MAP4: variants seen among roughly 807,000 people sequenced by gnomAD.
The protein encoded by MAP4 is microtubule associated protein 4, also known as microtubule-associated protein 4.
A neutral mutation model predicts 170.2 loss-of-function variants in MAP4; 76 were observed. The observed-to-expected ratio is 0.45, with a 90% CI of 0.37 to 0.54. The LOEUF is 0.54. MAP4 is among the 20% of genes least tolerant of loss of function. The pLI is 0.00. For missense variants in MAP4, 2,506 were observed against 2,748.0 expected, an observed-to-expected ratio of 0.91 and a Z score of 1.97; for synonymous variants, 909 against 994.5, an observed-to-expected ratio of 0.91 and a Z score of 1.62.
At chr3:48,015,379 G>A (rs566899687) in intron 1 of MAP4, among the ~76,000 whole-genome samples, 1 of 152,252 alleles carries the variant, frequency 6.6e-6, no homozygotes, top group South Asian at 2.1e-4. Flanking sequence ...ACATTTAAAT[G>A]ACAGAGAATT....
Position 47,882,143 on chromosome 3 carries a change from G to A in MAP4, c.5435-4620C>T, listed in dbSNP as rs548399468. 2.4e-3 allele frequency among the ~76,000 whole-genome samples: 369 copies of A among 152,292 alleles called. 3 individuals are homozygous for A. The highest frequency in any genetic ancestry group is 8.0e-3 in the African/African-American group (334 of 41,550). ...AAAATACATAAATTAGCCGGGCGTT[G>A]TGGTGGGCGCCTGTAATCCCAGCTA... On this transcript the variant is annotated intron_variant, in intron 10 of 20. Coordinates refer to ENST00000683076, the MANE Select transcript of MAP4 (RefSeq NM_001385682.1).
upstream of MAP4, among the ~76,000 whole-genome samples, chr3:48,017,490 T>TC (rs199911805): frequency 0.046 from 6,358 of 138,338 alleles, 456 homozygotes; most frequent in African/African-American, 0.2. Context: ...TTTTCTTTTT[T>TC]TTTTTTTTTG....
chr3:47,867,195 C>G, intron 17 of MAP4, 51 bp downstream of exon 17: 2 of 1,279,210 alleles, frequency 1.6e-6, no homozygotes, highest in African/African-American at 1.5e-5. Flanking sequence ...CCCTAGTATA[C>G]CCCACAGTGG....
chr3:48,013,636 G>A (rs1028695729), intron 1 of MAP4: 1 of 149,746 alleles, frequency 6.7e-6, no homozygotes, highest in African/African-American at 2.5e-5. Context: ...CCCTCAGTGT[G>A]AATATGAACA....
At chr3:48,033,174 G>T (rs1249690151) in intron 1 of MAP4, among the ~76,000 whole-genome samples, 2 of 152,224 alleles carry the variant, frequency 1.3e-5, no homozygotes, top group African/African-American at 4.8e-5. Context: ...AAATCAGGAA[G>T]CAAGGGGAAA....
intron 1 of MAP4, among the ~76,000 whole-genome samples, chr3:48,027,982 C>A (rs1438638766): frequency 6.6e-6 from 1 of 152,210 alleles, no homozygotes; most frequent in African/African-American, 2.4e-5. Context: ...ACCAACTTCA[C>A]TCACTTTAAC....
Position 47,916,164 on chromosome 3 carries a change from C to T in MAP4, c.1663G>A (p.Glu555Lys). The change falls in exon 7 of 21, where the codon GAA becomes AAA. Residue 555 changes from glutamate to lysine, a missense_variant. By Grantham distance (56) the Glu-to-Lys change is moderately conservative (BLOSUM62 1). Transcript: ENST00000683076. ...ACCCCATCCTTAGCCAGGGGTGCTTCTGTTTTGAGGGCTGGGACCTGATCC... is the reference window on the plus strand; with the variant it reads ...ACCCCATCCTTAGCCAGGGGTGCTTTTGTTTTGAGGGCTGGGACCTGATCC... ...TEDQVPALKT[E>K]APLAKDGVLT... 1 of 1,614,204 alleles carries T rather than the reference C, an allele frequency of 6.2e-7. No homozygotes were observed. Among genetic ancestry groups the T allele is most frequent in the Non-Finnish European group, 8.5e-7 (1 of 1,180,030 alleles).
chr3:48,057,637 G>GA (rs1176640431), intron 1 of MAP4, among the ~76,000 whole-genome samples: 15 of 107,666 alleles, frequency 1.4e-4, no homozygotes, highest in Middle Eastern at 4.6e-3. Context: ...AAATAAAAAA[G>GA]AAAAAAAAGA....
chr3:47,867,092 G>A (rs2081795830), intron 17 of MAP4, among the ~76,000 whole-genome samples, 154 bp downstream of exon 17: 1 of 152,180 alleles, frequency 6.6e-6, no homozygotes, highest in Non-Finnish European at 1.5e-5. Flanking sequence ...TAACATGGGA[G>A]CATCAAGGTC....
intron 5 of MAP4, among the ~76,000 whole-genome samples, chr3:47,919,193 A>C (rs1577593551): frequency 1.3e-5 from 2 of 150,480 alleles, no homozygotes; most frequent in African/African-American, 4.9e-5. Flanking sequence ...GGCCTCCCAA[A>C]GTGCTGGGAT....
intron 3 of MAP4, among the ~76,000 whole-genome samples, chr3:47,972,238 C>T (rs1184690030): frequency 6.6e-6 from 1 of 152,160 alleles, no homozygotes; most frequent in Non-Finnish European, 1.5e-5. Flanking sequence ...GGGAACTGCG[C>T]ATTTTGTTGA....
chr3:47,997,649 T>C (rs2100096701), intron 2 of MAP4, among the ~76,000 whole-genome samples: 1 of 151,474 alleles, frequency 6.6e-6, no homozygotes, highest in Non-Finnish European at 1.5e-5. Context: ...AGAAAAAAAT[T>C]AATGAAACCA....
chr3:48,019,111 G>A (rs1170724446), upstream of MAP4, among the ~76,000 whole-genome samples: 2 of 152,174 alleles, frequency 1.3e-5, no homozygotes, highest in Non-Finnish European at 2.9e-5. Flanking sequence ...GCCAAAGCAG[G>A]AAGACCACTT....
At chr3:47,964,364 CT>C (rs1464182923) in intron 3 of MAP4, among the ~76,000 whole-genome samples, 1 of 152,136 alleles carries the variant, frequency 6.6e-6, no homozygotes, top group Non-Finnish European at 1.5e-5. Context: ...TTCCAAATAT[CT>C]TTTTCTGACA....
At chr3:47,897,764 C>T (rs2100027716) in intron 10 of MAP4, among the ~76,000 whole-genome samples, 1 of 151,744 alleles carries the variant, frequency 6.6e-6, no homozygotes, top group Non-Finnish European at 1.5e-5. Flanking sequence ...TGGTGAAACC[C>T]TGTCTCCACT....
rs545111015 is a variant in MAP4, at chr3:47,975,871, C to T, written c.292+1994G>A. On this transcript the variant is annotated intron_variant, in intron 3 of 20. Coordinates refer to ENST00000683076, the MANE Select transcript of MAP4 (RefSeq NM_001385682.1). ...GTGGTGCGATCTCGGCTCACTGAAA[C>T]CTCCGCCTCCTGGGTTCAAGCGATT... 2.0e-5 allele frequency among the ~76,000 whole-genome samples: 3 copies of T among 151,136 alleles called. No individual in the cohort carries two copies. The South Asian group carries it at 6.3e-4, about 32-fold the overall frequency.
chr3:47,888,349 C>T (rs1246418016), intron 10 of MAP4, among the ~76,000 whole-genome samples: 2 of 152,202 alleles, frequency 1.3e-5, no homozygotes, highest in African/African-American at 4.8e-5. Flanking sequence ...AATCTTGCTA[C>T]TGCTCACTCT....
intron 20 of MAP4, 41 bp downstream of exon 20, chr3:47,853,122 A>G (rs780081738): frequency 3.4e-5 from 54 of 1,611,688 alleles, no homozygotes; most frequent in Non-Finnish European, 4.4e-5. Flanking sequence ...GGCCAGTGGC[A>G]GGGCCCCTGG....
At chr3:47,875,944 G>C (rs1378137521) in intron 11 of MAP4, 44 bp from the exon 12 acceptor site, 1 of 1,345,482 alleles carries the variant, frequency 7.4e-7, no homozygotes, top group Non-Finnish European at 1.0e-6. Context: ...ATTTTTTAAA[G>C]GGCAACATCA....
Sources: allele counts gnomAD v4.1 joint callset (sites outside exome capture counted in the v4.1 genomes callset), GRCh38; gene constraint gnomAD v4.1.1; transcripts MANE v1.5; gene names NCBI Gene and HGNC (gene_info 2026-07-23, HGNC 2026-07-21).